HHIPL2: variants seen among roughly 807,000 people sequenced by gnomAD.
HHIPL2 encodes HHIP like 2.
Under a neutral mutation model 61.0 loss-of-function variants are expected in HHIPL2, and 61 were observed. The ratio of observed to expected loss-of-function variants is 1.00; its 90% CI spans 0.81 to 1.24. The LOEUF (loss-of-function observed/expected upper bound fraction) is 1.24, where lower values mean the gene tolerates loss of function less well. Ranked by LOEUF, HHIPL2 falls within the 50% of genes most tolerant of loss-of-function variation. The pLI is 0.00. For missense variants in HHIPL2, 885 were observed against 910.2 expected (o/e 0.97, Z 0.36); for synonymous variants, 343 against 357.4 (o/e 0.96, Z 0.45).
rs1401912345 is a variant in HHIPL2, at chr1:222,540,013, A to T, written c.1447T>A (p.Leu483Met). The T allele has an allele frequency of 1.9e-6, 3 of 1,613,006 alleles. No individual in the cohort carries two copies. The highest frequency in any genetic ancestry group is 2.5e-6 in the Non-Finnish European group (3 of 1,179,212). Residue 483 changes from leucine to methionine, a missense_variant, in exon 4 of 9, where the codon TTG (leucine) becomes ATG (methionine). Leu to Met is a conservative substitution (Grantham distance 15). Transcript: ENST00000343410. ...YDKKLCHNASLDDVLPIYAYG... is the reference protein window; with the variant it reads ...YDKKLCHNASMDDVLPIYAYG... ...ACCCAGAGAGCTTCTTACTTACCCA[A>T]AGAGGCATTGTGACAAAGTTTTTTG...
At chr1:222,523,292 T>C (rs1409030003) in intron 8 of HHIPL2, among the ~76,000 whole-genome samples, 12 of 152,220 alleles carry the variant, frequency 7.9e-5, no homozygotes, top group Admixed American at 7.9e-4. Flanking sequence ...TAAGTGTTCA[T>C]TGCTGTATCC....
chr1:222,539,022 T>C, intron 4 of HHIPL2: 1 of 463,344 alleles, frequency 2.2e-6, no homozygotes, highest in Non-Finnish European at 3.8e-6. Context: ...CCTCCATCTA[T>C]GAGGCAGTGA....
rs934009979 is a variant in HHIPL2 at position 222,543,526 on chromosome 1, G to A, written c.974+11C>T. ...ACAGTACAGCTGTAGGCTCTCATGA[G>A]TACCTCTCACCTCTCTGATTTCAGG... On this transcript the variant is annotated intron_variant, in intron 2 of 8. Transcript: ENST00000343410. 2.5e-6 allele frequency: 4 copies of A among 1,604,022 alleles called. No homozygotes were observed. Among genetic ancestry groups the A allele is most frequent in the African/African-American group, 1.3e-5 (1 of 74,696 alleles).
intron 4 of HHIPL2, among the ~76,000 whole-genome samples, chr1:222,539,527 T>TAAAAAAAAAAAAAAAAAAAAAA (rs10537670): frequency 2.3e-5 from 2 of 85,198 alleles, no homozygotes; most frequent in Non-Finnish European, 4.8e-5. Context: ...AGACTCTGTC[T>TAAAAAAAAAAAAAAAAAAAAAA]AAAAAAAAAA....
At chr1:222,545,886 A>G (rs1473825554) in intron 1 of HHIPL2, among the ~76,000 whole-genome samples, 1 of 151,744 alleles carries the variant, frequency 6.6e-6, no homozygotes, top group Non-Finnish European at 1.5e-5. Flanking sequence ...AAAAAATTAA[A>G]AAAATAAAAA....
rs1257921214 is a variant in HHIPL2, at chr1:222,547,862, G to A, written c.183C>T (p.Cys61=). The change falls in exon 1 of 9, where the codon TGC becomes TGT. Residue 61 remains cysteine, a synonymous_variant. Coordinates refer to ENST00000343410, the MANE Select transcript of HHIPL2 (RefSeq NM_024746.4). ...PFQPPLHLEF[C]SDYESFGCCD... The stretch of plus-strand genomic sequence containing the variant: ...AGCAGCCGAAGGACTCATAGTCAGA[G>A]CAAAACTCAAGGTGCAGAGGGGGCT... 2 of 1,614,016 alleles carry A rather than the reference G, an allele frequency of 1.2e-6. No homozygotes were observed. Among genetic ancestry groups the A allele is most frequent in the African/African-American group, 2.7e-5 (2 of 74,906 alleles).
At chr1:222,523,796 C>T (rs1309344397) in intron 7 of HHIPL2, 102 bp from the exon 8 acceptor site, 10 of 1,057,972 alleles carry the variant, frequency 9.5e-6, no homozygotes, top group Non-Finnish European at 1.5e-5. Context: ...TGGGGTCAGC[C>T]TTTACTTATC....
chr1:222,541,952 A>T, intron 3 of HHIPL2, 60 bp downstream of exon 3: 1 of 1,529,004 alleles, frequency 6.5e-7, no homozygotes, highest in Admixed American at 2.4e-5. Flanking sequence ...CATCCCTGCA[A>T]AAACACCACA....
chr1:222,544,017 C>T lies in HHIPL2; in HGVS notation c.494G>A (p.Gly165Asp), dbSNP rs1659500369. The T allele has an allele frequency of 5.6e-6, 9 of 1,614,064 alleles. No individual in the cohort carries two copies. The highest frequency in any genetic ancestry group is 7.6e-6 in the Non-Finnish European group (9 of 1,180,022). Residue 165 changes from glycine to aspartate, a missense_variant, in exon 2 of 9, where the codon GGT becomes GAT. Transcript: ENST00000343410. ...RGLQESHGRD[G>D]TRFCHLLDLP... ...GTCCAGGAGGTGGCAGAAGCGGGTA[C>T]CGTCCCTTCCATGAGACTCCTGGAG...
intron 1 of HHIPL2, 40 bp downstream of exon 1, chr1:222,547,684 A>AG: frequency 1.3e-6 from 2 of 1,565,158 alleles, no homozygotes; most frequent in Non-Finnish European, 1.8e-6. Context: ...CATGCAGCCC[A>AG]GCACCCAAAC....
rs556575062 is a variant in HHIPL2 at position 222,523,769 on chromosome 1, C to G, written c.1806-75G>C. On this transcript the variant is annotated intron_variant, in intron 7 of 8. Coordinates refer to ENST00000343410, the MANE Select transcript of HHIPL2 (RefSeq NM_024746.4). Reference sequence around the variant, plus strand: ...CCGGAAAATCAAGGTTACCAGAGGGCGTATATTTGCAAGAATTGGGGTCAG... The same window carrying G: ...CCGGAAAATCAAGGTTACCAGAGGGGGTATATTTGCAAGAATTGGGGTCAG... 117 of 1,400,352 alleles carry G rather than the reference C, an allele frequency of 8.4e-5. 2 individuals carry two copies. In the South Asian group the frequency reaches 1.3e-3, roughly 16 times the overall value. 86.7% of individuals were successfully genotyped at this position (1,400,352 alleles called of 1,614,324 possible).
At chr1:222,528,820 ATTT>A (rs59113896) in intron 6 of HHIPL2, among the ~76,000 whole-genome samples, 3 of 128,828 alleles carry the variant, frequency 2.3e-5, no homozygotes, top group Non-Finnish European at 1.6e-5. Context: ...TAAACAACTA[ATTT>A]TTTTTTTTTT....
chr1:222,526,871 G>A (rs1376168978), intron 7 of HHIPL2, 98 bp downstream of exon 7: 1 of 887,900 alleles, frequency 1.1e-6, no homozygotes, highest in Non-Finnish European at 1.8e-6. Context: ...TCTAGAACAT[G>A]AGTTTGCTTC....
At chr1:222,534,853 G>A (rs537136111) in intron 5 of HHIPL2, among the ~76,000 whole-genome samples, 2 of 152,208 alleles carry the variant, frequency 1.3e-5, no homozygotes, top group Non-Finnish European at 2.9e-5. Context: ...CAATATACAT[G>A]TAATTAGAGC....
In HHIPL2 at chr1:222,522,869, A is replaced by G. The variant is rs763565497; in HGVS notation, c.1907T>C (p.Leu636Pro). Reference protein sequence around the residue: ...RPLAKTVLDLLKEQSEKAARK... With the variant: ...RPLAKTVLDLPKEQSEKAARK... The stretch of plus-strand genomic sequence containing the variant: ...AGCAGCTTTCTCTGATTGTTCCTTT[A>G]GCAAGTCCAAGACTGTCTCTGAGAA... The change falls in exon 9 of 9, where the codon CTA (leucine) becomes CCA (proline). Residue 636 changes from leucine to proline, a missense_variant. Leu to Pro is a moderately conservative substitution (Grantham distance 98). Transcript: ENST00000343410. 2 of 1,614,054 alleles carry G rather than the reference A, an allele frequency of 1.2e-6. No individual in the cohort carries two copies. Among genetic ancestry groups the G allele is most frequent in the South Asian group, 2.2e-5 (2 of 91,076 alleles).
chr1:222,538,856 C>T, intron 4 of HHIPL2, 82 bp from the exon 5 acceptor site: 1 of 1,440,736 alleles, frequency 6.9e-7, no homozygotes, highest in South Asian at 1.2e-5. Flanking sequence ...CTTTTTAATG[C>T]AGTTGCCTAA....
chr1:222,542,908 C>G (rs1275932512), intron 2 of HHIPL2, among the ~76,000 whole-genome samples: 1 of 152,192 alleles, frequency 6.6e-6, no homozygotes, highest in Non-Finnish European at 1.5e-5. Context: ...CCCTTACTCT[C>G]TGCCCTACCA....
chr1:222,532,645 T>C (rs1659217597), intron 5 of HHIPL2, among the ~76,000 whole-genome samples: 1 of 151,448 alleles, frequency 6.6e-6, no homozygotes, highest in South Asian at 2.1e-4. Context: ...TGACGTGCTG[T>C]GTAGGCTGCA....
chr1:222,545,802 G>A (rs188061224), intron 1 of HHIPL2, among the ~76,000 whole-genome samples: 3 of 151,866 alleles, frequency 2.0e-5, no homozygotes, highest in Non-Finnish European at 2.9e-5. Context: ...AGGATGAGGG[G>A]GGCAGATCAC....
Sources: gnomAD v4.1 joint callset for allele counts (sites outside exome capture counted in the v4.1 genomes callset) on GRCh38, gnomAD v4.1.1 for gene constraint, MANE v1.5 for transcripts, NCBI Gene and HGNC (gene_info 2026-07-23, HGNC 2026-07-21) for gene names.